Variants in CSNK1G1 observed in about 807,000 individuals in gnomAD.
The protein encoded by CSNK1G1 is casein kinase 1 gamma 1.
In CSNK1G1, 22 loss-of-function variants were observed where a neutral mutation model predicts 59.6. That is an observed-to-expected ratio of 0.37 (90% CI 0.26 to 0.53). The LOEUF (loss-of-function observed/expected upper bound fraction) is 0.53. CSNK1G1 is among the 20% of genes least tolerant of loss of function. CSNK1G1 has a pLI of 0.89. For synonymous variants in CSNK1G1, 179 were observed against 177.1 expected (o/e 1.01, Z -0.08); for missense variants, 384 against 519.5 (o/e 0.74, Z 2.54).
rs759649883 is a variant in CSNK1G1 at position 64,254,065 on chromosome 15, G to A, written c.223-2484C>T. Among the ~76,000 whole-genome samples the A allele has an allele frequency of 2.9e-4, 44 of 152,106 alleles. 1 individual carries two copies. The highest frequency in any genetic ancestry group is 1.0e-3 in the African/African-American group (42 of 41,508). ...TGAGGCAGGAGAATTGCTTGAACCC[G>A]GCAGGTGGATACTGCAGCAAGCCTA... On this transcript the variant is annotated intron_variant, in intron 3 of 11. Transcript: ENST00000303052.
chr15:64,334,512 A>C (rs1313261968), intron 1 of CSNK1G1, among the ~76,000 whole-genome samples: 1 of 152,012 alleles, frequency 6.6e-6, no homozygotes, highest in Non-Finnish European at 1.5e-5. Flanking sequence ...TATTCAACTC[A>C]CCATAATGTA....
intron 4 of CSNK1G1, among the ~76,000 whole-genome samples, chr15:64,234,936 TGAG>T (rs2082595710): frequency 6.6e-6 from 1 of 152,084 alleles, no homozygotes; most frequent in Non-Finnish European, 1.5e-5. Flanking sequence ...GGGCTTAAAT[TGAG>T]GAGAAGGGCT....
rs1184830154 is a variant in CSNK1G1, at chr15:64,166,970, A to G, written c.*4961T>C. The G allele has an allele frequency of 6.6e-6, 1 of 152,290 alleles. No homozygotes were observed. The highest frequency in any genetic ancestry group is 1.5e-5 in the Non-Finnish European group (1 of 68,048). 9.4% of individuals were successfully genotyped at this position (152,290 alleles called of 1,614,324 possible). ...TTGTAACATCAGGTTTGGTAATCAA[A>G]CTAGAAATACAAGGAATACGTGTTC... On this transcript the variant is annotated 3_prime_UTR_variant, in exon 12 of 12. Transcript: ENST00000303052. This position sits in a 1 kb window ranked among gnomAD's most constrained non-coding sequence, Gnocchi z 4.5.
intron 4 of CSNK1G1, among the ~76,000 whole-genome samples, chr15:64,246,179 T>A (rs926187850): frequency 6.6e-6 from 1 of 152,202 alleles, no homozygotes; most frequent in Non-Finnish European, 1.5e-5. Context: ...TAGATATGCA[T>A]GTATCAAAAT....
chr15:64,292,164 C>T (rs1019465501), intron 2 of CSNK1G1, among the ~76,000 whole-genome samples: 2 of 149,386 alleles, frequency 1.3e-5, no homozygotes, highest in African/African-American at 2.5e-5. Context: ...CAGCCAAGAT[C>T]GAGCCACTGC....
intron 1 of CSNK1G1, among the ~76,000 whole-genome samples, chr15:64,318,063 G>C (rs903954604): frequency 6.6e-6 from 1 of 152,012 alleles, no homozygotes; most frequent in Non-Finnish European, 1.5e-5. Flanking sequence ...AACTTAGGTG[G>C]GGAGTTCTTC....
chr15:64,275,205 C>A (rs1004325333), intron 2 of CSNK1G1, among the ~76,000 whole-genome samples: 1 of 152,126 alleles, frequency 6.6e-6, no homozygotes, highest in East Asian at 1.9e-4. Flanking sequence ...CCACACCCAA[C>A]CAACTTTTGT....
chr15:64,237,423 C>A (rs1004551302), intron 4 of CSNK1G1, among the ~76,000 whole-genome samples: 1 of 152,114 alleles, frequency 6.6e-6, no homozygotes, highest in Non-Finnish European at 1.5e-5. Flanking sequence ...ATCCTTTCTT[C>A]CCAGGTTATG....
Position 64,170,770 on chromosome 15 carries a change from A to ATT in CSNK1G1, c.*1159_*1160dup, listed in dbSNP as rs1180716190. ...CCTGGCAGCATGGGAAACAATTTCA[A>ATT]TTTTTTTTTGTTAAGCATCTCCTTC... On this transcript the variant is annotated 3_prime_UTR_variant, in exon 12 of 12. Transcript: ENST00000303052. The ATT allele has an allele frequency of 6.6e-6, 1 of 151,728 alleles. No individual in the cohort carries two copies. The allele number at this position is 151,728 out of a possible 1,614,324, so 9.4% of individuals were successfully genotyped here. A position where few individuals can be genotyped will look rare whatever the true frequency, so the allele number is the denominator to read the frequency against.
rs960874487 is a variant in CSNK1G1, at chr15:64,188,728, C to A, written c.1108-8274G>T. Among the ~76,000 whole-genome samples, 11 of 147,728 alleles carry A rather than the reference C, an allele frequency of 7.4e-5. No homozygotes were observed. The Admixed American group carries it at 7.9e-4, about 11-fold the overall frequency. ...TTACCCAGAACCAGAAAACCAATAA[C>A]GACCAAAAGAGGAGGGAGGGGGAAA... On this transcript the variant is annotated intron_variant, in intron 10 of 11. Transcript: ENST00000303052. This position sits in a 1 kb window ranked among gnomAD's most constrained non-coding sequence, Gnocchi z 4.2.
chr15:64,259,136 C>A (rs1892552103), intron 3 of CSNK1G1, 65 bp downstream of exon 3: 1 of 1,366,894 alleles, frequency 7.3e-7, no homozygotes, highest in Admixed American at 2.3e-5. Context: ...AAAACTATTT[C>A]CTATAAAAAG....
chr15:64,235,268 C>A (rs2082600192), intron 4 of CSNK1G1, among the ~76,000 whole-genome samples: 1 of 152,190 alleles, frequency 6.6e-6, no homozygotes, highest in African/African-American at 2.4e-5. Context: ...TAAATAGATG[C>A]TGTTATTTGC....
rs1467020229 is a variant in CSNK1G1, at chr15:64,203,153, C to T, written c.1036G>A (p.Ala346Thr). ...PVGSVHVDSG[A>T]SAITRESHTH... ...TGGCTTTCTCGAGTTATTGCAGATG[C>T]ACCAGAATCTACGTGAACTGACCCT... Residue 346 changes from alanine to threonine, a missense_variant, in exon 10 of 12, where the codon GCA becomes ACA. By Grantham distance (58) the Ala-to-Thr change is moderately conservative (BLOSUM62 0). Coordinates refer to ENST00000303052, the MANE Select transcript of CSNK1G1 (RefSeq NM_022048.5). 8 of 1,614,006 alleles carry T rather than the reference C, an allele frequency of 5.0e-6. No homozygotes were observed. The highest frequency in any genetic ancestry group is 1.1e-5 in the South Asian group (1 of 91,078).
chr15:64,247,040 C>T (rs1157708503), intron 4 of CSNK1G1, among the ~76,000 whole-genome samples: 1 of 152,184 alleles, frequency 6.6e-6, no homozygotes, highest in Non-Finnish European at 1.5e-5. Flanking sequence ...CTTCCTAATA[C>T]GGATCTGTTT....
chr15:64,191,381 TAAA>T, intron 10 of CSNK1G1, among the ~76,000 whole-genome samples: 1 of 152,136 alleles, frequency 6.6e-6, no homozygotes, highest in Admixed American at 6.6e-5. Flanking sequence ...TTGAGGCAGA[TAAA>T]ATAGAAAATG....
intron 2 of CSNK1G1, 115 bp downstream of exon 2, chr15:64,300,204 G>A (rs1895251577): frequency 8.6e-6 from 8 of 925,556 alleles, no homozygotes; most frequent in Non-Finnish European, 1.3e-5. Context: ...CTTAACAACA[G>A]GTTCTCCTTA....
chr15:64,261,190 G>A (rs1892668552), intron 2 of CSNK1G1, among the ~76,000 whole-genome samples: 1 of 152,256 alleles, frequency 6.6e-6, no homozygotes, highest in Non-Finnish European at 1.5e-5. Context: ...CCAATTCCCA[G>A]GCCGATTAAA....
At chr15:64,229,684 A>T (rs1016416955) in intron 4 of CSNK1G1, among the ~76,000 whole-genome samples, 5 of 152,058 alleles carry the variant, frequency 3.3e-5, no homozygotes, top group African/African-American at 4.8e-5. Flanking sequence ...TGTATCACAT[A>T]CCTATGGACC....
At chr15:64,297,551 A>T (rs1478883458) in intron 2 of CSNK1G1, among the ~76,000 whole-genome samples, 1 of 152,052 alleles carries the variant, frequency 6.6e-6, no homozygotes, top group Non-Finnish European at 1.5e-5. Flanking sequence ...ATTTAAAAAT[A>T]AAAAAATTAG....
Sources: allele counts gnomAD v4.1 joint callset (sites outside exome capture counted in the v4.1 genomes callset), GRCh38; gene constraint gnomAD v4.1.1; non-coding constraint Gnocchi (gnomAD v3.1); transcripts MANE v1.5; gene names NCBI Gene and HGNC (gene_info 2026-07-23, HGNC 2026-07-21).